DCAF4: variants seen among roughly 807,000 people sequenced by gnomAD.
DCAF4 encodes the protein DDB1- and CUL4-associated factor 4.
In DCAF4, 37 loss-of-function variants were observed where a neutral mutation model predicts 60.9. The ratio of observed to expected loss-of-function variants is 0.61; its 90% CI spans 0.47 to 0.80. The LOEUF is 0.80. DCAF4 is among the 30% of genes least tolerant of loss of function. The pLI is 0.00. For missense variants in DCAF4, 577 were observed against 650.0 expected (o/e 0.89, Z 1.22); for synonymous variants, 243 against 254.8 (o/e 0.95, Z 0.44).
chr14:72,942,974 C>T lies in DCAF4; in HGVS notation c.432-20C>T, dbSNP rs1179814626. On this transcript the variant is annotated intron_variant, in intron 5 of 13. Transcript: ENST00000358377. ...GGATGTCAGCTTCAGCATCCATGCC[C>T]CCACCCTCTGTTTCTGCAGTTTAGC... The T allele has an allele frequency of 3.7e-6, 6 of 1,612,390 alleles. No individual in the cohort carries two copies. The highest frequency in any genetic ancestry group is 4.2e-6 in the Non-Finnish European group (5 of 1,178,750).
chr14:72,953,765 T>TATA (rs1891852668), intron 9 of DCAF4, among the ~76,000 whole-genome samples: 6 of 21,982 alleles, frequency 2.7e-4, no homozygotes, highest in African/African-American at 7.3e-4. Context: ...ATATATATAG[T>TATA]TTATTTATTT....
intron 2 of DCAF4, among the ~76,000 whole-genome samples, chr14:72,938,283 T>C (rs1045586854): frequency 2.0e-5 from 3 of 151,924 alleles, no homozygotes; most frequent in African/African-American, 7.3e-5. Flanking sequence ...CCTCACTGAG[T>C]AGTGAGGAGA....
At chr14:72,942,788 C>G in intron 5 of DCAF4, 1 of 563,928 alleles carries the variant, frequency 1.8e-6, no homozygotes, top group Non-Finnish European at 3.2e-6. Flanking sequence ...CCACCCACTT[C>G]TTCATTTTCA....
At chr14:72,953,228 G>C (rs904924224) in intron 9 of DCAF4, among the ~76,000 whole-genome samples, 1 of 149,962 alleles carries the variant, frequency 6.7e-6, no homozygotes, top group Admixed American at 6.7e-5. Flanking sequence ...TCGAACTCCC[G>C]ACCTCAGGTG....
At chr14:72,961,763 G>A, downstream of DCAF4, 1 of 931,410 alleles carries the variant, frequency 1.1e-6, no homozygotes, top group Non-Finnish European at 1.3e-6. Context: ...ACTACACCTG[G>A]TTGGCATCCC....
chr14:72,958,725 T>C lies in DCAF4; in HGVS notation c.1408T>C (p.Ser470Pro). ...KADIPSVAFS[S>P]RLGGSRGAPG... ...CGACATTCCCAGTGTGGCCTTCTCG[T>C]CGCGGCTGGGGGGCTCCCGGGGCGC... is the stretch of plus-strand genomic sequence containing the variant. The change falls in exon 14 of 14, where the codon TCG becomes CCG. Residue 470 changes from serine to proline, a missense_variant. Coordinates refer to ENST00000358377, the MANE Select transcript of DCAF4 (RefSeq NM_015604.4). The C allele has an allele frequency of 6.2e-7, 1 of 1,613,762 alleles. No homozygotes were observed. Among genetic ancestry groups the C allele is most frequent in the South Asian group, 1.1e-5 (1 of 91,032 alleles).
Position 72,959,608 on chromosome 14 carries a change from A to G in DCAF4, c.*803A>G, listed in dbSNP as rs1282212944. On this transcript the variant is annotated 3_prime_UTR_variant, in exon 14 of 14. Transcript: ENST00000358377. Reference sequence around the variant, plus strand: ...GTGAGATGTTTATTCAGTGTTAAAGAGCCTGTTTTTCTACCAAACAATAAA... The same window carrying G: ...GTGAGATGTTTATTCAGTGTTAAAGGGCCTGTTTTTCTACCAAACAATAAA... 1 of 985,356 alleles carries G rather than the reference A, an allele frequency of 1.0e-6. No homozygotes were observed. The highest frequency in any genetic ancestry group is 1.2e-6 in the Non-Finnish European group (1 of 829,946). 61.0% of individuals were successfully genotyped at this position (985,356 alleles called of 1,614,324 possible).
chr14:72,930,549 G>C (rs1374755477), intron 1 of DCAF4, among the ~76,000 whole-genome samples: 1 of 152,172 alleles, frequency 6.6e-6, no homozygotes, highest in Non-Finnish European at 1.5e-5. Flanking sequence ...GATTACAGGC[G>C]TGAGCCACTG....
chr14:72,959,814 A>G, downstream of DCAF4: 1 of 304,720 alleles, frequency 3.3e-6, no homozygotes, highest in Non-Finnish European at 4.8e-6. Flanking sequence ...CAAAAGACTC[A>G]CCTCTGGACT....
chr14:72,929,502 G>T, intron 1 of DCAF4: 1 of 675,738 alleles, frequency 1.5e-6, no homozygotes, highest in Non-Finnish European at 2.6e-6. Flanking sequence ...TTCGAGACCA[G>T]CCTGGGCGGC....
intron 6 of DCAF4, 126 bp from the exon 7 acceptor site, chr14:72,945,757 TG>T: frequency 7.8e-7 from 1 of 1,288,024 alleles, no homozygotes; most frequent in Non-Finnish European, 1.1e-6. Context: ...CTCTCGCTCA[TG>T]GAGAGGAACT....
Position 72,954,205 on chromosome 14 carries a change from GGTGCCTGGTCCT to G in DCAF4, c.862_873del (p.Cys288_Ser291del). 1.2e-6 allele frequency: 2 copies of G among 1,614,172 alleles called. No homozygotes were observed. On this transcript the variant is annotated inframe_deletion, in exon 10 of 14. Coordinates refer to ENST00000358377, the MANE Select transcript of DCAF4 (RefSeq NM_015604.4). ...CATGCTCTGCAGTTTCCGGATCCCT[GGTGCCTGGTCCT>G]GTGCCTGGTCCCTGAATATCCAAGC...
chr14:72,927,452 C>T (rs1338823498), intron 1 of DCAF4, among the ~76,000 whole-genome samples: 2 of 150,220 alleles, frequency 1.3e-5, no homozygotes, highest in African/African-American at 2.4e-5. Flanking sequence ...CCGGGGTTCA[C>T]GCCATTCTCC....
At chr14:72,945,113 C>T (rs1409071738) in intron 6 of DCAF4, among the ~76,000 whole-genome samples, 1 of 151,642 alleles carries the variant, frequency 6.6e-6, no homozygotes, top group Non-Finnish European at 1.5e-5. Flanking sequence ...ACATCCTGAG[C>T]GAGGCATGGT....
intron 1 of DCAF4, among the ~76,000 whole-genome samples, chr14:72,932,606 C>T (rs189461876): frequency 3.9e-5 from 6 of 152,330 alleles, no homozygotes; most frequent in Admixed American, 3.9e-4. Context: ...CCTTCTGCAA[C>T]ACACCTGATT....
At chr14:72,929,479 T>C (rs941326148) in intron 1 of DCAF4, 47 of 628,204 alleles carry the variant, frequency 7.5e-5, no homozygotes, top group Non-Finnish European at 1.0e-4. Flanking sequence ...GGAGGATCGC[T>C]GGAGGCCAGA....
chr14:72,927,127 T>A (rs1474524663), intron 1 of DCAF4, among the ~76,000 whole-genome samples: 1 of 152,088 alleles, frequency 6.6e-6, no homozygotes, highest in Admixed American at 6.5e-5. Context: ...CCACTCTGAG[T>A]TGTGAGTTAG....
At chr14:72,945,474 TA>T (rs34392033) in intron 6 of DCAF4, among the ~76,000 whole-genome samples, 41,723 of 143,028 alleles carry the variant, frequency 0.29, 5,971 homozygotes, top group Non-Finnish European at 0.32. Flanking sequence ...TTCATGGTGG[TA>T]AAAAAAAAAA....
chr14:72,940,566 T>G, intron 4 of DCAF4, 189 bp downstream of exon 4: 1 of 470,090 alleles, frequency 2.1e-6, no homozygotes. Flanking sequence ...CCTTCTTCCA[T>G]CCCCGTTTTC....
Sources: allele counts gnomAD v4.1 joint callset (sites outside exome capture counted in the v4.1 genomes callset), GRCh38; gene constraint gnomAD v4.1.1; transcripts MANE v1.5; gene names NCBI Gene and HGNC (gene_info 2026-07-23, HGNC 2026-07-21).